Variants in CLTB observed in about 807,000 individuals in gnomAD.
CLTB encodes the protein clathrin light chain B, also known as clathrin, light chain (Lcb).
Under a neutral mutation model 30.5 loss-of-function variants are expected in CLTB, and 10 were observed. That is an observed-to-expected ratio of 0.33 (90% CI 0.20 to 0.56). CLTB has a LOEUF of 0.56. Among genes scored for constraint, CLTB ranks in the 20% least tolerant of loss-of-function variants. The pLI is 0.91. For missense variants in CLTB, 261 were observed against 308.3 expected (o/e 0.85, Z 1.15); for synonymous variants, 102 against 120.3 (o/e 0.85, Z 1.00).
At chr5:176,394,982 G>A (rs1756451146) in intron 5 of CLTB, among the ~76,000 whole-genome samples, 1 of 152,016 alleles carries the variant, frequency 6.6e-6, no homozygotes, top group East Asian at 1.9e-4. Flanking sequence ...GAAGCCTCCT[G>A]TGGCTCCCCA....
intron 2 of CLTB, among the ~76,000 whole-genome samples, chr5:176,400,207 AAG>A: frequency 1.3e-5 from 2 of 149,646 alleles, no homozygotes; most frequent in Non-Finnish European, 1.5e-5. Flanking sequence ...CAAAAAAAAA[AAG>A]AAAGAAAGAA....
At chr5:176,403,414 C>G (rs1251671416) in intron 2 of CLTB, among the ~76,000 whole-genome samples, 4 of 151,654 alleles carry the variant, frequency 2.6e-5, no homozygotes, top group Non-Finnish European at 4.4e-5. Context: ...ATCTTCGCAA[C>G]CCTACATGGT....
intron 2 of CLTB, among the ~76,000 whole-genome samples, chr5:176,400,116 G>A (rs559037171): frequency 2.0e-5 from 3 of 151,504 alleles, no homozygotes; most frequent in East Asian, 1.9e-4. Flanking sequence ...ACTTGAATCC[G>A]GGGCGGGGCA....
chr5:176,410,452 ACTT>A (rs1757367605), intron 1 of CLTB, 149 bp from the exon 2 acceptor site: 1 of 620,450 alleles, frequency 1.6e-6, no homozygotes, highest in Admixed American at 2.9e-5. Flanking sequence ...TATATATATA[ACTT>A]AGGCTCAATC....
chr5:176,400,618 A>C (rs1435290630), intron 2 of CLTB, among the ~76,000 whole-genome samples: 8 of 152,114 alleles, frequency 5.3e-5, no homozygotes, highest in Non-Finnish European at 1.2e-4. Context: ...CGCCCTCCGC[A>C]TTCCTGTCTG....
chr5:176,416,074 C>A, intron 1 of CLTB, 103 bp downstream of exon 1: 1 of 1,074,886 alleles, frequency 9.3e-7, no homozygotes, highest in Non-Finnish European at 1.3e-6. Flanking sequence ...AGCTCCTGCC[C>A]CGGGTGGCCT....
chr5:176,402,683 T>C (rs1561795461), intron 2 of CLTB, among the ~76,000 whole-genome samples: 1 of 152,196 alleles, frequency 6.6e-6, no homozygotes, highest in Non-Finnish European at 1.5e-5. Flanking sequence ...AATGAATTCA[T>C]AGATGTTCAG....
At position 176,395,084 on chromosome 5, in the gene CLTB, CCCATCCCCA is replaced by C. The variant is rs369801294; in HGVS notation, c.518+1386_518+1394del. Among the ~76,000 whole-genome samples, 894 of 151,928 alleles carry C rather than the reference CCCATCCCCA, an allele frequency of 5.9e-3. 7 individuals carry two copies. The highest frequency in any genetic ancestry group is 0.02 in the African/African-American group (823 of 41,394). On this transcript the variant is annotated intron_variant, in intron 5 of 5. Transcript: ENST00000310418. The stretch of plus-strand genomic sequence containing the variant: ...AACCACCTCCCAGCCTCAGCTCCCA[CCCATCCCCA>C]CCATCCCCACCATCCCCACCATCCC...
At chr5:176,397,787 C>T in intron 3 of CLTB, 69 bp from the exon 4 acceptor site, 4 of 1,538,330 alleles carry the variant, frequency 2.6e-6, no homozygotes, top group Non-Finnish European at 2.7e-6. Flanking sequence ...GCGCTCCTCC[C>T]CTGGCCCCTG....
chr5:176,411,125 T>C (rs1469484885), intron 1 of CLTB, among the ~76,000 whole-genome samples: 1 of 152,238 alleles, frequency 6.6e-6, no homozygotes, highest in Non-Finnish European at 1.5e-5. Context: ...GAGACTTGCA[T>C]GCACCTGTGA....
At position 176,394,623 on chromosome 5, in the gene CLTB, G is replaced by A. The variant is rs955670095; in HGVS notation, c.519-1678C>T. Among the ~76,000 whole-genome samples, 3 of 151,326 alleles carry A rather than the reference G, an allele frequency of 2.0e-5. No individual in the cohort carries two copies. In the East Asian group the frequency reaches 5.9e-4, roughly 30 times the overall value. ...ACGAGGTCAGATGGAGAGCATCCTG[G>A]CTAACACGGTGAAACCCCGTCTCTA... On this transcript the variant is annotated intron_variant, in intron 5 of 5. Transcript: ENST00000310418.
chr5:176,397,944 C>T lies in CLTB; in HGVS notation c.338G>A (p.Arg113Gln), dbSNP rs1362435663. 14 of 1,613,834 alleles carry T rather than the reference C, an allele frequency of 8.7e-6. No homozygotes were observed. The highest frequency in any genetic ancestry group is 6.7e-5 in the Admixed American group (4 of 60,000). The change falls in exon 3 of 6, where the codon CGG (arginine) becomes CAG (glutamine). Residue 113 changes from arginine (R) to glutamine (Q), a missense_variant. By Grantham distance (43) the Arg-to-Gln change is conservative. Around this residue, in one of 3 missense-constraint regions of CLTB, gnomAD observed 123 missense variants for 157.0 expected, o/e 0.78. Transcript: ENST00000310418. ...CCCGCCCTCACCCAGCTCTTGCAGC[C>T]GTTTCCTCTGCTCCTCTCGCCACTT... is the stretch of plus-strand genomic sequence containing the variant. ...IRKWREEQRKRLQELDAASKV... is the reference protein window; with the variant it reads ...IRKWREEQRKQLQELDAASKV...
intron 2 of CLTB, among the ~76,000 whole-genome samples, chr5:176,408,306 G>T (rs1205147116): frequency 6.6e-6 from 1 of 151,862 alleles, no homozygotes. Flanking sequence ...GGCCGAGGTG[G>T]GTGGATCACT....
In CLTB at chr5:176,392,612, A is replaced by G; in HGVS notation, c.*162T>C. 2.8e-6 allele frequency: 2 copies of G among 708,516 alleles called. No individual in the cohort carries two copies. Among genetic ancestry groups the G allele is most frequent in the Non-Finnish European group, 4.7e-6 (2 of 427,034 alleles). The allele number at this position is 708,516 out of a possible 1,614,324, so 43.9% of individuals were successfully genotyped here. ...TGGACCAGAGGGCCAGGAGGGAGCG[A>G]GGCGTGATGGGGTGAGGGCCCCCCT... On this transcript the variant is annotated 3_prime_UTR_variant, in exon 6 of 6. Coordinates refer to ENST00000310418, the MANE Select transcript of CLTB (RefSeq NM_007097.5). The surrounding 1 kb of genome is among the most constrained non-coding windows in gnomAD (Gnocchi z 5.2).
chr5:176,401,034 C>T (rs991146311), intron 2 of CLTB, among the ~76,000 whole-genome samples: 1 of 152,342 alleles, frequency 6.6e-6, no homozygotes, highest in Admixed American at 6.5e-5. Context: ...AGCTGGGCGC[C>T]ACCCTTACTC....
intron 2 of CLTB, among the ~76,000 whole-genome samples, chr5:176,400,752 T>C (rs935653922): frequency 6.6e-6 from 1 of 152,188 alleles, no homozygotes; most frequent in Non-Finnish European, 1.5e-5. Context: ...CCCGCGTTGT[T>C]TGACATCTTC....
At chr5:176,408,512 G>C (rs1757250331) in intron 2 of CLTB, among the ~76,000 whole-genome samples, 1 of 151,312 alleles carries the variant, frequency 6.6e-6, no homozygotes, top group South Asian at 2.1e-4. Context: ...CTCCAGCCTG[G>C]GCAATAAGAG....
chr5:176,406,741 G>A (rs1254718625), intron 2 of CLTB: 7 of 1,270,702 alleles, frequency 5.5e-6, no homozygotes, highest in African/African-American at 1.5e-5. Flanking sequence ...AAGCACAAAA[G>A]CTCTGTCTGG....
At chr5:176,399,823 A>G (rs1465882968) in intron 2 of CLTB, among the ~76,000 whole-genome samples, 1 of 151,614 alleles carries the variant, frequency 6.6e-6, no homozygotes, top group Non-Finnish European at 1.5e-5. Context: ...GATTGCAGTG[A>G]GCAGAGATCG....
Sources: gnomAD v4.1 joint callset for allele counts (sites outside exome capture counted in the v4.1 genomes callset) on GRCh38, gnomAD v4.1.1 for gene constraint, gnomAD v4.1.1 regional missense constraint, Gnocchi (gnomAD v3.1) non-coding constraint, MANE v1.5 for transcripts, NCBI Gene and HGNC (gene_info 2026-07-23, HGNC 2026-07-21) for gene names.